The following MRPL57 variants were observed in gnomAD, a reference collection of about 807,000 sequenced individuals.
MRPL57 encodes the protein mitochondrial ribosomal protein L57.
Under a neutral mutation model 1.3 loss-of-function variants are expected in MRPL57, and 1 was observed. The observed-to-expected ratio is 0.79, with a 90% CI of 0.28 to 3.75. The LOEUF is 3.75. Ranked by LOEUF, MRPL57 falls within the 30% of genes most tolerant of loss-of-function variation. The pLI is 0.19. For missense variants in MRPL57, 170 were observed against 148.9 expected (o/e 1.14, Z -0.74); for synonymous variants, 79 against 61.7 (o/e 1.28, Z -1.31).
Position 21,177,339 on chromosome 13 carries a change from T to G in MRPL57, c.*114T>G. ...AATGAGCCTTTGGACCAGTCTTTAT[T>G]AAAACAAACAAACATGAGTAGTCTG... On this transcript the variant is annotated 3_prime_UTR_variant, in exon 2 of 2. Coordinates refer to ENST00000309594, the MANE Select transcript of MRPL57 (RefSeq NM_024026.5). 9.0e-7 allele frequency: 1 copy of G among 1,106,108 alleles called. No individual in the cohort carries two copies. The highest frequency in any genetic ancestry group is 1.4e-5 in the South Asian group (1 of 70,020). 68.5% of individuals were successfully genotyped at this position (1,106,108 alleles called of 1,614,324 possible).
chr13:21,177,040 G>T lies in MRPL57; in HGVS notation c.124G>T (p.Glu42Ter), dbSNP rs755878034. 1.9e-6 allele frequency: 3 copies of T among 1,613,602 alleles called. No individual in the cohort carries two copies. Among genetic ancestry groups the T allele is most frequent in the Non-Finnish European group, 2.5e-6 (3 of 1,180,010 alleles). ...KQNMIRRLEI[E>*]AENHYWLSMP... is the part of the protein sequence containing the mutation. ...GAACATGATCCGCCGCCTGGAGATC[G>T]AGGCGGAGAACCATTACTGGCTGAG... The change falls in exon 2 of 2, where the codon GAG becomes TAG. Residue 42 changes from glutamate to a stop codon, truncating the protein, a stop_gained. Coordinates refer to ENST00000309594, the MANE Select transcript of MRPL57 (RefSeq NM_024026.5). LOFTEE classifies it low-confidence loss of function (END_TRUNC).
Position 21,176,659 on chromosome 13 carries a change from C to CT in MRPL57, c.-62dup. ...CAGGAGACCCCGCGAGACGGGTGCG[C>CT]TTACGCCACGGCGTCTGCTGGCGGC... On this transcript the variant is annotated 5_prime_UTR_variant, in exon 1 of 2. Transcript: ENST00000309594. The CT allele has an allele frequency of 1.5e-6, 1 of 684,492 alleles. No homozygotes were observed. The highest frequency in any genetic ancestry group is 2.4e-6 in the Non-Finnish European group (1 of 421,570). The allele number at this position is 684,492 out of a possible 1,614,324, so 42.4% of individuals were successfully genotyped here. A position where few individuals can be genotyped will look rare whatever the true frequency, so the allele number is the denominator to read the frequency against.
In MRPL57 at chr13:21,177,009, CA is replaced by C. The variant is rs751254910; in HGVS notation, c.95del (p.Lys32SerfsTer4). ...GGCCGCGGTTCGTGTCGTTGCGCGC[CA>C]AGCAGAACATGATCCGCCGCCTGGA... ...RRPRFVSLRA[K>X]QNMIRRLEIE... is the part of the protein sequence containing the mutation. On this transcript the variant is annotated frameshift_variant, in exon 2 of 2. Transcript: ENST00000309594. LOFTEE classifies it low-confidence loss of function (END_TRUNC). 4.1e-5 allele frequency: 66 copies of C among 1,612,788 alleles called. No homozygotes were observed. Among genetic ancestry groups the C allele is most frequent in the Non-Finnish European group, 5.4e-5 (64 of 1,179,972 alleles).
rs1320134200 is a variant in MRPL57, at chr13:21,177,316, T to C, written c.*91T>C. The C allele has an allele frequency of 2.2e-6, 3 of 1,373,926 alleles. No individual in the cohort carries two copies. Among genetic ancestry groups the C allele is most frequent in the Non-Finnish European group, 3.0e-6 (3 of 992,766 alleles). 85.1% of individuals were successfully genotyped at this position (1,373,926 alleles called of 1,614,324 possible). ...TGAAAAACTGTAGCTTGTGTGAAAA[T>C]GAGCCTTTGGACCAGTCTTTATTAA... On this transcript the variant is annotated 3_prime_UTR_variant, in exon 2 of 2. Transcript: ENST00000309594.
At position 21,177,223 on chromosome 13, in the gene MRPL57, T is replaced by C; in HGVS notation, c.307T>C (p.Ter103GlnextTer2). 6.2e-7 allele frequency: 1 copy of C among 1,613,480 alleles called. No individual in the cohort carries two copies. The highest frequency in any genetic ancestry group is 8.5e-7 in the Non-Finnish European group (1 of 1,179,980). ...DHLNVTKKWS[*>Q] The stretch of plus-strand genomic sequence containing the variant: ...TCTCAATGTCACCAAGAAATGGTCC[T>C]AATCCTGAGTCGTCACCCTTGGATT... The change falls in exon 2 of 2, where the codon TAA becomes CAA. Residue 103 changes from the stop codon to glutamine, a stop_lost. Transcript: ENST00000309594.
In MRPL57 at chr13:21,177,307, G is replaced by C. The variant is rs896578271; in HGVS notation, c.*82G>C. On this transcript the variant is annotated 3_prime_UTR_variant, in exon 2 of 2. Transcript: ENST00000309594. ...TCCTGGAACTGAAAAACTGTAGCTTGTGTGAAAATGAGCCTTTGGACCAGT... is the reference window on the plus strand; with the variant it reads ...TCCTGGAACTGAAAAACTGTAGCTTCTGTGAAAATGAGCCTTTGGACCAGT... The C allele has an allele frequency of 6.3e-6, 9 of 1,422,976 alleles. No individual in the cohort carries two copies. Among genetic ancestry groups the C allele is most frequent in the Non-Finnish European group, 9.7e-7 (1 of 1,033,656 alleles). The allele number at this position is 1,422,976 out of a possible 1,614,324, so 88.1% of individuals were successfully genotyped here.
chr13:21,176,839 C>T, intron 1 of MRPL57, 73 bp from the exon 2 acceptor site: 1 of 1,482,480 alleles, frequency 6.7e-7, no homozygotes, highest in Non-Finnish European at 9.1e-7. Flanking sequence ...TGAGCTGGAG[C>T]GCGCGCCCGC....
chr13:21,177,373 A>C lies in MRPL57; in HGVS notation c.*148A>C, dbSNP rs954183634. ...CAAACATGAGTAGTCTGCATATCGA[A>C]TATCTAGAGCTCTAAACCCCCAATA... On this transcript the variant is annotated 3_prime_UTR_variant, in exon 2 of 2. Coordinates refer to ENST00000309594, the MANE Select transcript of MRPL57 (RefSeq NM_024026.5). 1.3e-6 allele frequency: 1 copy of C among 768,912 alleles called. No individual in the cohort carries two copies. Among genetic ancestry groups the C allele is most frequent in the Admixed American group, 3.4e-5 (1 of 29,544 alleles). 47.6% of individuals were successfully genotyped at this position (768,912 alleles called of 1,614,324 possible).
Position 21,178,780 on chromosome 13 carries a change from C to G in MRPL57, c.*1555C>G, listed in dbSNP as rs1046170578. On this transcript the variant is annotated 3_prime_UTR_variant, in exon 2 of 2. Coordinates refer to ENST00000309594, the MANE Select transcript of MRPL57 (RefSeq NM_024026.5). ...ACCAGCCTGGCCAATATGGTGAAAC[C>G]CCATCTCTACTAAAAATATAAAAAT... is the stretch of plus-strand genomic sequence containing the variant. The G allele has an allele frequency of 3.9e-5, 6 of 152,992 alleles. No individual in the cohort carries two copies. The Admixed American group carries it at 3.9e-4, about 10-fold the overall frequency. The allele number at this position is 152,992 out of a possible 1,614,324, so 9.5% of individuals were successfully genotyped here. A position where few individuals can be genotyped will look rare whatever the true frequency, so the allele number is the denominator to read the frequency against.
chr13:21,177,251 A>G lies in MRPL57; in HGVS notation c.*26A>G, dbSNP rs750426913. 2 of 1,610,582 alleles carry G rather than the reference A, an allele frequency of 1.2e-6. No homozygotes were observed. The highest frequency in any genetic ancestry group is 1.7e-6 in the Non-Finnish European group (2 of 1,178,708). Reference sequence around the variant, plus strand: ...TCCTGAGTCGTCACCCTTGGATTTTATGGATCACGGAGCTGACCATCTTTA... The same window carrying G: ...TCCTGAGTCGTCACCCTTGGATTTTGTGGATCACGGAGCTGACCATCTTTA... On this transcript the variant is annotated 3_prime_UTR_variant, in exon 2 of 2. Coordinates refer to ENST00000309594, the MANE Select transcript of MRPL57 (RefSeq NM_024026.5).
At chr13:21,176,864 C>T (rs1290763109) in intron 1 of MRPL57, 48 bp from the exon 2 acceptor site, 7 of 1,577,762 alleles carry the variant, frequency 4.4e-6, no homozygotes, top group African/African-American at 2.7e-5. Context: ...CTCTCCAGGT[C>T]CGGCCGCGCC....
chr13:21,178,886 T>G lies in MRPL57; in HGVS notation c.*1661T>G, dbSNP rs1871724547. 1 of 166,186 alleles carries G rather than the reference T, an allele frequency of 6.0e-6. No individual in the cohort carries two copies. The highest frequency in any genetic ancestry group is 2.4e-5 in the African/African-American group (1 of 41,456). The allele number at this position is 166,186 out of a possible 1,614,324, so 10.3% of individuals were successfully genotyped here. A position where few individuals can be genotyped will look rare whatever the true frequency, so the allele number is the denominator to read the frequency against. ...GGAAGGCTGAGGAAGGAGAATTGCT[T>G]GAACCCAGGTGGTGGAGGTTGCAGT... On this transcript the variant is annotated 3_prime_UTR_variant, in exon 2 of 2. Coordinates refer to ENST00000309594, the MANE Select transcript of MRPL57 (RefSeq NM_024026.5).
rs1395128448 is a variant in MRPL57 at position 21,178,589 on chromosome 13, G to C, written c.*1364G>C. On this transcript the variant is annotated 3_prime_UTR_variant, in exon 2 of 2. Coordinates refer to ENST00000309594, the MANE Select transcript of MRPL57 (RefSeq NM_024026.5). The stretch of plus-strand genomic sequence containing the variant: ...TAATCCCATCACTTTGGGAGGCTTA[G>C]GCAGAAGGATCACCTGAGATCAGGA... 6.0e-6 allele frequency: 1 copy of C among 165,312 alleles called. No homozygotes were observed. Among genetic ancestry groups the C allele is most frequent in the African/African-American group, 2.4e-5 (1 of 41,454 alleles). The allele number at this position is 165,312 out of a possible 1,614,324, so 10.2% of individuals were successfully genotyped here. A position where few individuals can be genotyped will look rare whatever the true frequency, so the allele number is the denominator to read the frequency against.
In MRPL57 at chr13:21,177,396, A is replaced by G. The variant is rs556134045; in HGVS notation, c.*171A>G. ...GAATATCTAGAGCTCTAAACCCCCA[A>G]TACTTAAAAGTCTAATTGCTGTCCT... is the stretch of plus-strand genomic sequence containing the variant. On this transcript the variant is annotated 3_prime_UTR_variant, in exon 2 of 2. Transcript: ENST00000309594. The G allele has an allele frequency of 1.4e-3, 904 of 662,732 alleles. 6 individuals carry two copies. The African/African-American group carries it at 0.015, about 11-fold the overall frequency. The allele number at this position is 662,732 out of a possible 1,614,324, so 41.1% of individuals were successfully genotyped here.
chr13:21,177,146 C>T lies in MRPL57; in HGVS notation c.230C>T (p.Ala77Val). The T allele has an allele frequency of 3.7e-6, 6 of 1,614,152 alleles. No individual in the cohort carries two copies. The highest frequency in any genetic ancestry group is 5.1e-6 in the Non-Finnish European group (6 of 1,180,040). The change falls in exon 2 of 2, where the codon GCC becomes GTC. Residue 77 changes from alanine (A) to valine (V), a missense_variant. Transcript: ENST00000309594. ...RREAFEAIKAAATSKFPPHRF... is the reference protein window; with the variant it reads ...RREAFEAIKAVATSKFPPHRF... Reference sequence around the variant, plus strand: ...GAGGCCTTCGAGGCCATAAAGGCGGCCGCCACTTCCAAGTTCCCCCCGCAT... The same window carrying T: ...GAGGCCTTCGAGGCCATAAAGGCGGTCGCCACTTCCAAGTTCCCCCCGCAT...
rs1272935687 is a variant in MRPL57 at position 21,177,781 on chromosome 13, C to G, written c.*556C>G. On this transcript the variant is annotated 3_prime_UTR_variant, in exon 2 of 2. Transcript: ENST00000309594. Reference sequence around the variant, plus strand: ...GGTCAGGAGTTCAAGACCAGCTTGGCCAAGGTGATAAAACCCGTCTCTACT... The same window carrying G: ...GGTCAGGAGTTCAAGACCAGCTTGGGCAAGGTGATAAAACCCGTCTCTACT... The G allele has an allele frequency of 5.9e-6, 1 of 168,336 alleles. No individual in the cohort carries two copies. The highest frequency in any genetic ancestry group is 1.4e-5 in the Non-Finnish European group (1 of 69,454). 10.4% of individuals were successfully genotyped at this position (168,336 alleles called of 1,614,324 possible).
rs945556901 is a variant in MRPL57, at chr13:21,178,558, C to T, written c.*1333C>T. The T allele has an allele frequency of 3.0e-5, 5 of 166,732 alleles. No individual in the cohort carries two copies. Among genetic ancestry groups the T allele is most frequent in the African/African-American group, 1.2e-4 (5 of 41,446 alleles). The allele number at this position is 166,732 out of a possible 1,614,324, so 10.3% of individuals were successfully genotyped here. ...TGGCTGAGGCCCACACGGTGGCTCA[C>T]TTCTGTAATCCCATCACTTTGGGAG... On this transcript the variant is annotated 3_prime_UTR_variant, in exon 2 of 2. Transcript: ENST00000309594.
At chr13:21,176,763 C>A in intron 1 of MRPL57, 46 bp downstream of exon 1, 1 of 811,552 alleles carries the variant, frequency 1.2e-6, no homozygotes. Flanking sequence ...TCCTTCTTCG[C>A]CTGCTGGCCT....
chr13:21,176,833 C>G, intron 1 of MRPL57, 79 bp from the exon 2 acceptor site: 1 of 1,469,006 alleles, frequency 6.8e-7, no homozygotes, highest in Non-Finnish European at 9.2e-7. Context: ...TAGGCGTGAG[C>G]TGGAGCGCGC....
Sources: allele counts gnomAD v4.1 joint callset, GRCh38; gene constraint gnomAD v4.1.1; transcripts MANE v1.5; gene names NCBI Gene and HGNC (gene_info 2026-07-23, HGNC 2026-07-21).